LGR5: variants seen among roughly 807,000 people sequenced by gnomAD.
LGR5 encodes the protein leucine-rich repeat-containing G protein-coupled receptor 5.
In LGR5, 54 loss-of-function variants were observed where a neutral mutation model predicts 76.7. The ratio of observed to expected loss-of-function variants is 0.70; its 90% CI spans 0.57 to 0.88. LGR5 has a LOEUF of 0.88. Ranked by LOEUF, LGR5 falls within the 40% of genes least tolerant of loss-of-function variation. The pLI is 0.00. For missense variants in LGR5, 1,078 were observed against 1,073.3 expected (o/e 1.00, Z -0.06); for synonymous variants, 406 against 421.9 (o/e 0.96, Z 0.46).
intron 4 of LGR5, among the ~76,000 whole-genome samples, chr12:71,546,743 C>T (rs1285047791): frequency 6.6e-6 from 1 of 152,204 alleles, no homozygotes; most frequent in African/African-American, 2.4e-5. Context: ...ATTATGAGGG[C>T]CTCCAGTCAG....
chr12:71,535,855 T>C (rs575148936), intron 4 of LGR5, among the ~76,000 whole-genome samples: 5 of 152,294 alleles, frequency 3.3e-5, no homozygotes, highest in African/African-American at 1.2e-4. Flanking sequence ...CATCAGGAGT[T>C]TCCTACCCCC....
At chr12:71,566,055 A>G (rs1878324814) in intron 8 of LGR5, among the ~76,000 whole-genome samples, 1 of 152,150 alleles carries the variant, frequency 6.6e-6, no homozygotes, top group Admixed American at 6.5e-5. Context: ...GATTGCCAGT[A>G]CTTTGAATTA....
Position 71,584,156 on chromosome 12 carries a change from C to T in LGR5, c.2146C>T (p.Pro716Ser). The part of the protein sequence containing the change: ...YGASPLCLPL[P>S]FGEPSTMGYM... Reference sequence around the variant, plus strand: ...CGCCTCCCCTCTCTGCCTGCCTTTGCCTTTTGGGGAGCCCAGCACCATGGG... The same window carrying T: ...CGCCTCCCCTCTCTGCCTGCCTTTGTCTTTTGGGGAGCCCAGCACCATGGG... Residue 716 changes from proline (P) to serine (S), a missense_variant, in exon 18 of 18, where the codon CCT becomes TCT. By Grantham distance (74) the Pro-to-Ser change is moderately conservative (BLOSUM62 -1). Coordinates refer to ENST00000266674, the MANE Select transcript of LGR5 (RefSeq NM_003667.4). 6.2e-7 allele frequency: 1 copy of T among 1,614,166 alleles called. No homozygotes were observed. The highest frequency in any genetic ancestry group is 8.5e-7 in the Non-Finnish European group (1 of 1,180,036).
intron 16 of LGR5, among the ~76,000 whole-genome samples, chr12:71,581,037 G>A (rs1879070297): frequency 6.6e-6 from 1 of 152,166 alleles, no homozygotes; most frequent in African/African-American, 2.4e-5. Context: ...CTGACATGAT[G>A]TTTCCATCAG....
chr12:71,523,499 G>T (rs1875825567), intron 2 of LGR5, among the ~76,000 whole-genome samples: 1 of 151,952 alleles, frequency 6.6e-6, no homozygotes, highest in East Asian at 1.9e-4. Flanking sequence ...AAAAGAAAAA[G>T]AAAAAAGGGC....
chr12:71,510,874 A>G (rs1875119001), intron 2 of LGR5, among the ~76,000 whole-genome samples: 1 of 152,056 alleles, frequency 6.6e-6, no homozygotes, highest in Admixed American at 6.6e-5. Flanking sequence ...CAGAGGCCTT[A>G]GGTGGGAAGA....
intron 4 of LGR5, among the ~76,000 whole-genome samples, chr12:71,552,567 C>CAA (rs5799046): frequency 0.033 from 4,041 of 123,938 alleles, 190 homozygotes; most frequent in African/African-American, 0.1. Flanking sequence ...GACTTCGTCT[C>CAA]AAAAAAAAAA....
Position 71,440,137 on chromosome 12 carries a change from G to T in LGR5, c.57G>T (p.Ala19=). The change falls in exon 1 of 18, where the codon GCG becomes GCT. Residue 19 remains alanine, a synonymous_variant. Coordinates refer to ENST00000266674, the MANE Select transcript of LGR5 (RefSeq NM_003667.4). This position sits in a 1 kb window ranked among gnomAD's most constrained non-coding sequence, Gnocchi z 5.3. ...CCTTGCCTGTGCTGCTGCAGCTGGC[G>T]ACCGGGGGCAGCTCTCCCAGGTCTG... The part of the protein sequence containing the change: ...LLSLPVLLQL[A]TGGSSPRSGV... 6.2e-7 allele frequency: 1 copy of T among 1,609,584 alleles called. No individual in the cohort carries two copies.
intron 1 of LGR5, among the ~76,000 whole-genome samples, chr12:71,490,959 A>G (rs886648364): frequency 6.6e-6 from 1 of 152,130 alleles, no homozygotes; most frequent in Non-Finnish European, 1.5e-5. Flanking sequence ...CCCACATGTC[A>G]TGAGAGGGAC....
intron 13 of LGR5, among the ~76,000 whole-genome samples, chr12:71,574,455 T>A (rs377744302): frequency 6.6e-6 from 1 of 151,928 alleles, no homozygotes; most frequent in East Asian, 1.9e-4. Context: ...CTCCAATTCA[T>A]CCTCTCCACT....
chr12:71,528,617 T>C (rs981619897), intron 3 of LGR5, among the ~76,000 whole-genome samples: 3 of 152,240 alleles, frequency 2.0e-5, no homozygotes, highest in Admixed American at 6.5e-5. Flanking sequence ...CAGGATCTCA[T>C]TGAATTTCAT....
At chr12:71,479,680 A>G (rs1244485890) in intron 1 of LGR5, among the ~76,000 whole-genome samples, 1 of 152,150 alleles carries the variant, frequency 6.6e-6, no homozygotes, top group Admixed American at 6.5e-5. Context: ...TTAAGAATGA[A>G]GAGGAGCCAG....
intron 13 of LGR5, among the ~76,000 whole-genome samples, chr12:71,574,899 G>A (rs1043905093): frequency 5.9e-5 from 9 of 152,204 alleles, no homozygotes; most frequent in Non-Finnish European, 1.2e-4. Context: ...TCATCAGGTA[G>A]ACTATGCCAT....
At chr12:71,505,899 T>A (rs1371248272) in intron 2 of LGR5, among the ~76,000 whole-genome samples, 1 of 152,120 alleles carries the variant, frequency 6.6e-6, no homozygotes, top group Non-Finnish European at 1.5e-5. Flanking sequence ...TTTTTTTCCA[T>A]CTTCTCTTTT....
chr12:71,566,973 G>T, intron 11 of LGR5, 61 bp downstream of exon 11: 1 of 1,221,854 alleles, frequency 8.2e-7, no homozygotes, highest in South Asian at 1.2e-5. Flanking sequence ...GGGGTGAAAT[G>T]GCAGACATGA....
At chr12:71,446,520 T>G (rs1872000837) in intron 1 of LGR5, among the ~76,000 whole-genome samples, 1 of 152,184 alleles carries the variant, frequency 6.6e-6, no homozygotes, top group African/African-American at 2.4e-5. Flanking sequence ...ATGATAATAG[T>G]ACCTCTTATT....
intron 1 of LGR5, among the ~76,000 whole-genome samples, chr12:71,477,966 A>T (rs1873414674): frequency 6.6e-6 from 1 of 152,196 alleles, no homozygotes; most frequent in African/African-American, 2.4e-5. Flanking sequence ...GTTCCCACCC[A>T]TACCTCAGTT....
intron 4 of LGR5, among the ~76,000 whole-genome samples, chr12:71,539,539 G>A (rs1318057707): frequency 1.3e-5 from 2 of 152,136 alleles, no homozygotes; most frequent in African/African-American, 4.8e-5. Flanking sequence ...GTACAGTGGT[G>A]CGATCTCAGC....
At chr12:71,535,864 C>G (rs947448340) in intron 4 of LGR5, among the ~76,000 whole-genome samples, 1 of 152,164 alleles carries the variant, frequency 6.6e-6, no homozygotes, top group East Asian at 1.9e-4. Flanking sequence ...TTTCCTACCC[C>G]CCTACACACA....
Sources: allele counts gnomAD v4.1 joint callset (sites outside exome capture counted in the v4.1 genomes callset), GRCh38; gene constraint gnomAD v4.1.1; non-coding constraint Gnocchi (gnomAD v3.1); transcripts MANE v1.5; gene names NCBI Gene and HGNC (gene_info 2026-07-23, HGNC 2026-07-21).